CDH4: variants seen among roughly 807,000 people sequenced by gnomAD.
The protein encoded by CDH4 is cadherin 4, also known as cadherin-4.
CDH4 carries 33 observed loss-of-function variants against 86.0 expected under a neutral mutation model. The observed-to-expected ratio is 0.38, with a 90% CI of 0.29 to 0.51. The LOEUF (loss-of-function observed/expected upper bound fraction) is 0.51, where lower values mean the gene tolerates loss of function less well. Among genes scored for constraint, CDH4 ranks in the 20% least tolerant of loss-of-function variants. The pLI, the probability that CDH4 is intolerant of heterozygous loss-of-function variation, is 0.86. For missense variants in CDH4, 1,114 were observed against 1,307.4 expected (o/e 0.85, Z 2.28); for synonymous variants, 555 against 549.4 (o/e 1.01, Z -0.14).
intron 3 of CDH4, among the ~76,000 whole-genome samples, chr20:61,766,760 C>T (rs1032961363): frequency 6.6e-6 from 1 of 152,192 alleles, no homozygotes; most frequent in Non-Finnish European, 1.5e-5. Context: ...CCACACTGTC[C>T]TGTGCCACTG....
chr20:61,603,358 C>T (rs73611545), intron 2 of CDH4, among the ~76,000 whole-genome samples: 3,792 of 152,224 alleles, frequency 0.025, 131 homozygotes, highest in East Asian at 0.17. Flanking sequence ...CACACCACTC[C>T]GGATGGCCCC....
chr20:61,719,038 G>A (rs912053429), intron 2 of CDH4: 1 of 471,072 alleles, frequency 2.1e-6, no homozygotes, highest in Admixed American at 2.3e-5. Context: ...ATGAGAGAAG[G>A]ACCCTCCCTG....
intron 4 of CDH4, among the ~76,000 whole-genome samples, chr20:61,790,438 AT>A: frequency 6.7e-6 from 1 of 149,686 alleles, no homozygotes; most frequent in East Asian, 2.0e-4. Flanking sequence ...CTCTCCATCC[AT>A]CCATTCATCC....
intron 2 of CDH4, among the ~76,000 whole-genome samples, chr20:61,321,881 A>G (rs1295609522): frequency 6.6e-6 from 1 of 152,122 alleles, no homozygotes; most frequent in Non-Finnish European, 1.5e-5. Context: ...GCAGTCTTAC[A>G]ATAAGCATAA....
intron 7 of CDH4, among the ~76,000 whole-genome samples, chr20:61,894,647 C>T (rs183269680): frequency 1.3e-5 from 2 of 152,294 alleles, no homozygotes; most frequent in South Asian, 2.1e-4. Flanking sequence ...CCCCTATCAA[C>T]GGCAGGGCCA....
At chr20:61,698,650 G>T (rs1269981420) in intron 2 of CDH4, among the ~76,000 whole-genome samples, 1 of 152,220 alleles carries the variant, frequency 6.6e-6, no homozygotes, top group Non-Finnish European at 1.5e-5. Flanking sequence ...CTCCAGCCTT[G>T]GTGCTGCCGA....
intron 2 of CDH4, among the ~76,000 whole-genome samples, chr20:61,506,215 G>A (rs553350512): frequency 3.0e-4 from 45 of 152,302 alleles, no homozygotes; most frequent in African/African-American, 8.2e-4. Context: ...GAGTAAAGAC[G>A]CTCATGCATC....
rs991199846 is a variant in CDH4 at position 61,663,977 on chromosome 20, C to G, written c.170-79586C>G. On this transcript the variant is annotated intron_variant, in intron 2 of 15. Transcript: ENST00000614565. The surrounding 1 kb of genome is among the most constrained non-coding windows in gnomAD (Gnocchi z 5.0). ...CCACGTTGAGGTGTCTGTGTGCCAC[C>G]GGGACCCTTCCGTAGACATGCACCA... 6.6e-6 allele frequency among the ~76,000 whole-genome samples: 1 copy of G among 152,146 alleles called. No individual in the cohort carries two copies. The highest frequency in any genetic ancestry group is 1.5e-5 in the Non-Finnish European group (1 of 68,026).
rs1445772868 is a variant in CDH4, at chr20:61,708,509, C to T, written c.170-35054C>T. ...TCCAGGCCCCGGGCTCCCAGTTTGA[C>T]ACCCGGCCACACAGCCCTGACTCGT... On this transcript the variant is annotated intron_variant, in intron 2 of 15. Coordinates refer to ENST00000614565, the MANE Select transcript of CDH4 (RefSeq NM_001794.5). The surrounding 1 kb of genome is among the most constrained non-coding windows in gnomAD (Gnocchi z 4.5). 1.3e-5 allele frequency among the ~76,000 whole-genome samples: 2 copies of T among 152,188 alleles called. No individual in the cohort carries two copies. Among genetic ancestry groups the T allele is most frequent in the African/African-American group, 4.8e-5 (2 of 41,452 alleles).
chr20:61,368,707 G>T (rs545425305), intron 2 of CDH4, among the ~76,000 whole-genome samples: 1 of 151,992 alleles, frequency 6.6e-6, no homozygotes, highest in Non-Finnish European at 1.5e-5. Context: ...AGTAGAGATG[G>T]TGTTTCACCA....
chr20:61,296,304 TGC>T (rs2084354040), intron 2 of CDH4, among the ~76,000 whole-genome samples: 1 of 149,776 alleles, frequency 6.7e-6, no homozygotes, highest in African/African-American at 2.5e-5. Context: ...TGTGCGTGGG[TGC>T]GTGTGTGTGC....
rs1980353020 is a variant in CDH4 at position 61,810,070 on chromosome 20, C to T, written c.577-34598C>T. On this transcript the variant is annotated intron_variant, in intron 4 of 15. Coordinates refer to ENST00000614565, the MANE Select transcript of CDH4 (RefSeq NM_001794.5). This position sits in a 1 kb window ranked among gnomAD's most constrained non-coding sequence, Gnocchi z 4.3. Reference sequence around the variant, plus strand: ...GTGACATCCAACCACAAGTGTGTTTCTCACACATCCAGAGGTTTGGCTAGC... The same window carrying T: ...GTGACATCCAACCACAAGTGTGTTTTTCACACATCCAGAGGTTTGGCTAGC... Among the ~76,000 whole-genome samples the T allele has an allele frequency of 6.6e-6, 1 of 152,234 alleles. No individual in the cohort carries two copies. Among genetic ancestry groups the T allele is most frequent in the African/African-American group, 2.4e-5 (1 of 41,460 alleles).
At chr20:61,698,736 A>G (rs2087741794) in intron 2 of CDH4, among the ~76,000 whole-genome samples, 1 of 151,576 alleles carries the variant, frequency 6.6e-6, no homozygotes, top group Non-Finnish European at 1.5e-5. Context: ...CACCCAGTAG[A>G]CCCCCCCGCA....
chr20:61,419,677 A>C (rs1304706769), intron 2 of CDH4, among the ~76,000 whole-genome samples: 1 of 122,866 alleles, frequency 8.1e-6, no homozygotes, highest in Admixed American at 8.9e-5. Flanking sequence ...AGCCAAGGCC[A>C]CCCCGCTCCA....
At chr20:61,579,379 C>T (rs1439936332) in intron 2 of CDH4, among the ~76,000 whole-genome samples, 2 of 151,466 alleles carry the variant, frequency 1.3e-5, no homozygotes, top group Non-Finnish European at 2.9e-5. Flanking sequence ...CTCCTCCTCC[C>T]GGGTTCAAGT....
At chr20:61,774,801 T>A (rs1164065740) in intron 4 of CDH4, among the ~76,000 whole-genome samples, 2 of 152,166 alleles carry the variant, frequency 1.3e-5, no homozygotes, top group Non-Finnish European at 2.9e-5. Flanking sequence ...CCACTTTAGT[T>A]TGCTAAGGAT....
chr20:61,373,524 C>T (rs1346898863), intron 2 of CDH4, among the ~76,000 whole-genome samples: 1 of 152,198 alleles, frequency 6.6e-6, no homozygotes, highest in African/African-American at 2.4e-5. Context: ...CGTCCTGGGG[C>T]TCGCAGGACC....
chr20:61,273,440 C>T (rs1438238292), intron 2 of CDH4, among the ~76,000 whole-genome samples: 4 of 61,684 alleles, frequency 6.5e-5, no homozygotes, highest in Non-Finnish European at 8.8e-5. Context: ...GGGGGAGGAC[C>T]ATGTGCAGTT....
rs2084880825 is a variant in CDH4 at position 61,377,899 on chromosome 20, A to G, written c.169+122962A>G. 6.6e-6 allele frequency among the ~76,000 whole-genome samples: 1 copy of G among 152,228 alleles called. No individual in the cohort carries two copies. Among genetic ancestry groups the G allele is most frequent in the African/African-American group, 2.4e-5 (1 of 41,460 alleles). On this transcript the variant is annotated intron_variant, in intron 2 of 15. Transcript: ENST00000614565. This position sits in a 1 kb window ranked among gnomAD's most constrained non-coding sequence, Gnocchi z 4.0. The stretch of plus-strand genomic sequence containing the variant: ...GGGGAATTAGCTCACACATCCCTTC[A>G]TGTGCCGTGATGTTGACTCACGTGA...
Sources: gnomAD v4.1 joint callset for allele counts (sites outside exome capture counted in the v4.1 genomes callset) on GRCh38, gnomAD v4.1.1 for gene constraint, Gnocchi (gnomAD v3.1) non-coding constraint, MANE v1.5 for transcripts, NCBI Gene and HGNC (gene_info 2026-07-23, HGNC 2026-07-21) for gene names.